TRPC4: variants seen among roughly 807,000 people sequenced by gnomAD.
TRPC4 encodes short transient receptor potential channel 4.
TRPC4 carries 49 observed loss-of-function variants against 99.4 expected under a neutral mutation model. The ratio of observed to expected loss-of-function variants is 0.49; its 90% CI spans 0.39 to 0.63. The LOEUF (loss-of-function observed/expected upper bound fraction) is 0.63. Among genes scored for constraint, TRPC4 ranks in the 20% least tolerant of loss-of-function variants. TRPC4 has a pLI of 0.00. For missense variants in TRPC4, 898 were observed against 1,152.9 expected (o/e 0.78, Z 3.20); for synonymous variants, 454 against 425.9 (o/e 1.07, Z -0.81).
At chr13:37,637,777 C>T (rs995633280) in intron 10 of TRPC4, 152 bp from the exon 11 acceptor site, 4 of 746,414 alleles carry the variant, frequency 5.4e-6, no homozygotes, top group Non-Finnish European at 4.1e-6. Flanking sequence ...TCCCAGTTCT[C>T]TCACGGATAC....
chr13:37,831,378 A>G (rs1426640503), intron 1 of TRPC4, among the ~76,000 whole-genome samples: 1 of 152,210 alleles, frequency 6.6e-6, no homozygotes, highest in African/African-American at 2.4e-5. Context: ...AAAATGATGA[A>G]AGATAACTAG....
At chr13:37,816,558 C>T (rs1481700587) in intron 1 of TRPC4, among the ~76,000 whole-genome samples, 1 of 151,982 alleles carries the variant, frequency 6.6e-6, no homozygotes, top group Non-Finnish European at 1.5e-5. Context: ...ATACCAAAAT[C>T]TGGCAGAAAT....
At chr13:37,843,139 C>A (rs1958791225) in intron 1 of TRPC4, among the ~76,000 whole-genome samples, 1 of 152,144 alleles carries the variant, frequency 6.6e-6, no homozygotes, top group South Asian at 2.1e-4. Flanking sequence ...GTACTACATA[C>A]TAATTGTGTG....
chr13:37,660,506 A>G (rs755197397), intron 6 of TRPC4, among the ~76,000 whole-genome samples: 2 of 152,162 alleles, frequency 1.3e-5, no homozygotes, highest in Non-Finnish European at 2.9e-5. Context: ...GTTTACTTGG[A>G]TGAAAGGAAT....
At chr13:37,811,511 A>C (rs1957685430) in intron 1 of TRPC4, among the ~76,000 whole-genome samples, 1 of 152,122 alleles carries the variant, frequency 6.6e-6, no homozygotes, top group African/African-American at 2.4e-5. Context: ...ATACAGAACT[A>C]AGAATCTGGG....
chr13:37,847,941 A>T (rs1958950225), intron 1 of TRPC4, among the ~76,000 whole-genome samples: 1 of 152,192 alleles, frequency 6.6e-6, no homozygotes, highest in African/African-American at 2.4e-5. Flanking sequence ...TAGATAGGAG[A>T]TAAGGTTTTG....
At chr13:37,777,343 A>G (rs1257687868) in intron 2 of TRPC4, among the ~76,000 whole-genome samples, 2 of 151,924 alleles carry the variant, frequency 1.3e-5, no homozygotes, top group African/African-American at 4.8e-5. Context: ...GGAAGCAAGC[A>G]TGTCTTCACA....
At chr13:37,868,243 T>C (rs1566237339) in intron 1 of TRPC4, among the ~76,000 whole-genome samples, 1 of 152,166 alleles carries the variant, frequency 6.6e-6, no homozygotes, top group Non-Finnish European at 1.5e-5. Flanking sequence ...CCAACTCATA[T>C]ATCTTTCAGA....
chr13:37,656,590 T>C (rs887828761), intron 6 of TRPC4, among the ~76,000 whole-genome samples: 5 of 152,172 alleles, frequency 3.3e-5, no homozygotes, highest in Admixed American at 3.3e-4. Flanking sequence ...GCCAGTGGCC[T>C]GTGGCATGCA....
chr13:37,828,492 C>G (rs1958316286), intron 1 of TRPC4, among the ~76,000 whole-genome samples: 1 of 151,970 alleles, frequency 6.6e-6, no homozygotes, highest in Non-Finnish European at 1.5e-5. Context: ...GGGCATACAC[C>G]CAAAGGAATA....
intron 3 of TRPC4, among the ~76,000 whole-genome samples, chr13:37,709,156 A>G (rs1162061290): frequency 6.6e-6 from 1 of 151,914 alleles, no homozygotes; most frequent in Non-Finnish European, 1.5e-5. Flanking sequence ...TCTTCACTAT[A>G]TCACTGCAGT....
intron 3 of TRPC4, among the ~76,000 whole-genome samples, chr13:37,716,952 A>G (rs1954692793): frequency 6.7e-6 from 1 of 149,542 alleles, no homozygotes; most frequent in Non-Finnish European, 1.5e-5. Context: ...CGGTGGTAAA[A>G]TATCATAGAC....
At chr13:37,786,965 A>T (rs1956985475) in intron 1 of TRPC4, among the ~76,000 whole-genome samples, 1 of 152,042 alleles carries the variant, frequency 6.6e-6, no homozygotes, top group Admixed American at 6.6e-5. Flanking sequence ...ATTGATCCAA[A>T]GAGAAATTAA....
At chr13:37,710,065 A>G (rs377073320) in intron 3 of TRPC4, among the ~76,000 whole-genome samples, 1 of 152,016 alleles carries the variant, frequency 6.6e-6, no homozygotes, top group Non-Finnish European at 1.5e-5. Context: ...TATACAGCAC[A>G]TTATAGTACT....
At chr13:37,730,580 T>C (rs1379286381) in intron 3 of TRPC4, among the ~76,000 whole-genome samples, 1 of 151,862 alleles carries the variant, frequency 6.6e-6, no homozygotes, top group Admixed American at 6.6e-5. Flanking sequence ...ATCAAAGCTC[T>C]TTGTACACAC....
At chr13:37,754,839 A>C (rs939253502) in intron 2 of TRPC4, among the ~76,000 whole-genome samples, 3 of 152,168 alleles carry the variant, frequency 2.0e-5, no homozygotes, top group African/African-American at 7.2e-5. Context: ...ATTGACATAT[A>C]CAAGCAACCA....
intron 3 of TRPC4, among the ~76,000 whole-genome samples, chr13:37,699,820 G>A (rs545696694): frequency 1.3e-5 from 2 of 152,302 alleles, no homozygotes; most frequent in South Asian, 4.1e-4. Flanking sequence ...GATAGTGTTG[G>A]TGAGGCAGAG....
intron 1 of TRPC4, among the ~76,000 whole-genome samples, chr13:37,803,883 C>G (rs991806625): frequency 6.6e-6 from 1 of 152,054 alleles, no homozygotes; most frequent in Non-Finnish European, 1.5e-5. Context: ...GAATAAAGAT[C>G]AGTGTTGCTG....
intron 4 of TRPC4, among the ~76,000 whole-genome samples, chr13:37,677,150 G>C (rs1231329173): frequency 6.6e-6 from 1 of 151,878 alleles, no homozygotes; most frequent in East Asian, 1.9e-4. Context: ...TTTGAAGTTA[G>C]AATGTAATAA....
Sources: gnomAD v4.1 joint callset for allele counts (sites outside exome capture counted in the v4.1 genomes callset) on GRCh38, gnomAD v4.1.1 for gene constraint, MANE v1.5 for transcripts, NCBI Gene and HGNC (gene_info 2026-07-23, HGNC 2026-07-21) for gene names.